Variants in CFAP206 observed in about 807,000 individuals in gnomAD.
CFAP206 encodes cilia- and flagella-associated protein 206.
In CFAP206, 53 loss-of-function variants were observed where a neutral mutation model predicts 65.4. The ratio of observed to expected loss-of-function variants is 0.81; its 90% CI spans 0.65 to 1.02. CFAP206 has a LOEUF of 1.02. CFAP206 is among the 50% of genes least tolerant of loss of function. CFAP206 has a pLI of 0.00. For missense variants in CFAP206, 663 were observed against 753.2 expected (o/e 0.88, Z 1.40); for synonymous variants, 250 against 254.4 (o/e 0.98, Z 0.17).
rs766398566 is a variant in CFAP206, at chr6:87,409,837, A to G, written c.-3A>G. ...AAAAAAATTGTTGTTTTATTTAGCC[A>G]GAATGCCTCCAACTCAGGCCGAAAG... On this transcript the variant is annotated splice_region_variant and 5_prime_UTR_variant, in exon 2 of 13. Transcript: ENST00000369562. The G allele has an allele frequency of 2.5e-6, 4 of 1,598,672 alleles. No individual in the cohort carries two copies. Among genetic ancestry groups the G allele is most frequent in the Non-Finnish European group, 3.4e-6 (4 of 1,173,436 alleles).
At chr6:87,435,111 A>G in intron 11 of CFAP206, 58 bp downstream of exon 11, 2 of 1,325,546 alleles carry the variant, frequency 1.5e-6, no homozygotes, top group Non-Finnish European at 2.1e-6. Flanking sequence ...TTAATTTAAA[A>G]GTTGTATTTT....
intron 11 of CFAP206, among the ~76,000 whole-genome samples, chr6:87,449,436 CAAAAAAA>C (rs34540279): frequency 7.9e-4 from 42 of 53,036 alleles, no homozygotes; most frequent in East Asian, 4.7e-3. Context: ...GACTCCATCT[CAAAAAAA>C]AAAAAAAAAA....
chr6:87,448,023 G>A (rs1768475636), intron 11 of CFAP206, among the ~76,000 whole-genome samples: 2 of 150,418 alleles, frequency 1.3e-5, no homozygotes, highest in Admixed American at 1.3e-4. Flanking sequence ...TGTTAAATAG[G>A]AATACATGTG....
At chr6:87,428,150 G>T (rs1357249452) in intron 8 of CFAP206, among the ~76,000 whole-genome samples, 1 of 151,916 alleles carries the variant, frequency 6.6e-6, no homozygotes, top group Non-Finnish European at 1.5e-5. Context: ...ACCACGCCTG[G>T]CTAATTTTTG....
intron 11 of CFAP206, chr6:87,444,294 G>A (rs1768403191): frequency 4.7e-6 from 1 of 211,906 alleles, no homozygotes; most frequent in Non-Finnish European, 1.0e-5. Flanking sequence ...CAGTTCTCTT[G>A]ATGAGAAGGT....
chr6:87,437,938 C>A (rs1247582847), intron 11 of CFAP206, among the ~76,000 whole-genome samples: 1 of 150,986 alleles, frequency 6.6e-6, no homozygotes, highest in African/African-American at 2.4e-5. Flanking sequence ...CTTGCCTCAA[C>A]CTCCCAAAGT....
At chr6:87,428,486 C>T (rs914128360) in intron 8 of CFAP206, 140 bp from the exon 9 acceptor site, 2 of 683,678 alleles carry the variant, frequency 2.9e-6, no homozygotes, top group Admixed American at 2.6e-5. Flanking sequence ...TATCTAAAGT[C>T]TACTGTCTAA....
intron 7 of CFAP206, among the ~76,000 whole-genome samples, chr6:87,419,327 A>G (rs1306673771): frequency 2.0e-5 from 3 of 152,150 alleles, no homozygotes; most frequent in Non-Finnish European, 4.4e-5. Context: ...GTATCCCTAG[A>G]GAGTTGAAAA....
chr6:87,433,347 G>T (rs1033204326), intron 10 of CFAP206, among the ~76,000 whole-genome samples: 4 of 152,162 alleles, frequency 2.6e-5, no homozygotes. Context: ...CATGAACATG[G>T]TCAATAACTA....
chr6:87,418,905 A>G (rs1263899313), intron 7 of CFAP206, among the ~76,000 whole-genome samples: 1 of 152,164 alleles, frequency 6.6e-6, no homozygotes, highest in Admixed American at 6.5e-5. Flanking sequence ...TGAGCCCAAG[A>G]GTTCAAAATC....
chr6:87,431,261 A>T, intron 10 of CFAP206, 88 bp downstream of exon 10: 1 of 1,280,120 alleles, frequency 7.8e-7, no homozygotes, highest in Non-Finnish European at 1.1e-6. Flanking sequence ...ATTCACTTTA[A>T]AAACTTTATG....
At chr6:87,428,590 C>T in intron 8 of CFAP206, 36 bp from the exon 9 acceptor site, 1 of 1,532,100 alleles carries the variant, frequency 6.5e-7, no homozygotes, top group Non-Finnish European at 9.0e-7. Flanking sequence ...TTTTATTACA[C>T]AGTTGCATTT....
intron 9 of CFAP206, among the ~76,000 whole-genome samples, 155 bp downstream of exon 9, chr6:87,428,979 G>A (rs766718935): frequency 1.3e-5 from 2 of 152,122 alleles, no homozygotes; most frequent in Non-Finnish European, 2.9e-5. Flanking sequence ...GGTGGCTCAC[G>A]CCTGTAATCC....
At chr6:87,438,460 C>CAAAAAAA (rs757336468) in intron 11 of CFAP206, among the ~76,000 whole-genome samples, 1 of 111,018 alleles carries the variant, frequency 9.0e-6, no homozygotes, top group Admixed American at 9.1e-5. Flanking sequence ...ACTCTTGTCT[C>CAAAAAAA]AAAAAAAAAA....
chr6:87,460,999 A>C, intron 11 of CFAP206, 23 bp from the exon 12 acceptor site: 1 of 1,555,364 alleles, frequency 6.4e-7, no homozygotes, highest in South Asian at 1.2e-5. Context: ...ACAAGCACTA[A>C]CTACAAAACT....
Position 87,434,923 on chromosome 6 carries a change from CTGCAT to C in CFAP206, c.1365_1369del (p.Ala456PhefsTer7), listed in dbSNP as rs1484974323. 1.9e-6 allele frequency: 3 copies of C among 1,542,620 alleles called. No individual in the cohort carries two copies. The highest frequency in any genetic ancestry group is 2.7e-6 in the Non-Finnish European group (3 of 1,122,644). Reference sequence around the variant, plus strand: ...TATTACACATTCAATAGTAAAGATGCTGCATATTCATTTGCAGAAAATCCTGAACA... The same window carrying C: ...TATTACACATTCAATAGTAAAGATGCATTCATTTGCAGAAAATCCTGAACA... On this transcript the variant is annotated frameshift_variant, in exon 11 of 13. Coordinates refer to ENST00000369562, the MANE Select transcript of CFAP206 (RefSeq NM_001031743.3). LOFTEE classifies it high-confidence loss of function.
chr6:87,418,866 C>T (rs1158407933), intron 7 of CFAP206, among the ~76,000 whole-genome samples: 1 of 152,110 alleles, frequency 6.6e-6, no homozygotes, highest in East Asian at 1.9e-4. Flanking sequence ...AATCCTAGCA[C>T]TTTGGGAGGC....
intron 11 of CFAP206, among the ~76,000 whole-genome samples, chr6:87,459,940 T>C (rs1768715076): frequency 6.6e-6 from 1 of 152,166 alleles, no homozygotes; most frequent in Admixed American, 6.6e-5. Flanking sequence ...CAGAAATGAG[T>C]TTTATCTCTG....
At chr6:87,450,475 A>ATGTGTGTGTGTGTGTGTGTG (rs55870560) in intron 11 of CFAP206, among the ~76,000 whole-genome samples, 1 of 130,358 alleles carries the variant, frequency 7.7e-6, no homozygotes, top group East Asian at 2.2e-4. Context: ...ATAAATGAAA[A>ATGTGTGTGTGTGTGTGTGTG]TGTGTGTGTG....
Sources: allele counts gnomAD v4.1 joint callset (sites outside exome capture counted in the v4.1 genomes callset), GRCh38; gene constraint gnomAD v4.1.1; transcripts MANE v1.5; gene names NCBI Gene and HGNC (gene_info 2026-07-23, HGNC 2026-07-21).